The following CDYL variants were observed in gnomAD, a reference collection of about 807,000 sequenced individuals.
CDYL encodes chromodomain Y like, also known as chromodomain Y-like protein.
In CDYL, 8 loss-of-function variants were observed where a neutral mutation model predicts 47.3. The ratio of observed to expected loss-of-function variants is 0.17; its 90% CI spans 0.10 to 0.31. The LOEUF is 0.31. Ranked by LOEUF, CDYL falls within the 10% of genes least tolerant of loss-of-function variation. CDYL has a pLI of 1.00. For missense variants in CDYL, 471 were observed against 701.4 expected (o/e 0.67, Z 3.71); for synonymous variants, 266 against 265.0 (o/e 1.00, Z -0.04).
chr6:4,815,258 CATAA>C (rs1316245859), intron 1 of CDYL, among the ~76,000 whole-genome samples: 1 of 152,102 alleles, frequency 6.6e-6, no homozygotes, highest in African/African-American at 2.4e-5. Flanking sequence ...TCGTGTATCA[CATAA>C]ATAGATTTTT....
rs536342916 is a variant in CDYL, at chr6:4,712,421, G to A, written c.-38-3320G>A. ...GGTAGAAAGGGTGACAGTGGCCAGC[G>A]GAGTGAGAAAGACAGCAGGGGCTGG... On this transcript the variant is annotated intron_variant, in intron 1 of 8. Coordinates refer to the CDYL transcript ENST00000328908. 5.3e-5 allele frequency among the ~76,000 whole-genome samples: 8 copies of A among 152,334 alleles called. No individual in the cohort carries two copies. The East Asian group carries it at 7.7e-4, about 15-fold the overall frequency.
chr6:4,731,345 T>A (rs1328007154), intron 2 of CDYL, among the ~76,000 whole-genome samples: 1 of 152,204 alleles, frequency 6.6e-6, no homozygotes, highest in Non-Finnish European at 1.5e-5. Context: ...TATTAAAGGG[T>A]GCTAGTGTAT....
chr6:4,853,115 A>G (rs1487473435), intron 1 of CDYL, among the ~76,000 whole-genome samples: 4 of 151,148 alleles, frequency 2.6e-5, no homozygotes, highest in African/African-American at 9.7e-5. Context: ...ATCTGCCCAT[A>G]CTCCCTCATT....
At chr6:4,762,946 C>T (rs1489196108) in intron 3 of CDYL, among the ~76,000 whole-genome samples, 1 of 151,928 alleles carries the variant, frequency 6.6e-6, no homozygotes, top group Non-Finnish European at 1.5e-5. Flanking sequence ...CCTAGGAAAC[C>T]CAACCAGGAT....
intron 1 of CDYL, among the ~76,000 whole-genome samples, chr6:4,889,218 A>G (rs1024262479): frequency 1.3e-5 from 2 of 150,856 alleles, no homozygotes; most frequent in African/African-American, 4.9e-5. Context: ...AATGGTTTTC[A>G]TACCTTTTTT....
intron 2 of CDYL, among the ~76,000 whole-genome samples, chr6:4,907,502 G>A (rs763005687): frequency 1.1e-4 from 16 of 152,034 alleles, no homozygotes; most frequent in Admixed American, 7.9e-4. Flanking sequence ...GACTGCAGGC[G>A]TGCACCACCA....
chr6:4,914,666 C>A (rs1757507100), intron 2 of CDYL, among the ~76,000 whole-genome samples: 1 of 152,190 alleles, frequency 6.6e-6, no homozygotes, highest in Non-Finnish European at 1.5e-5. Context: ...GCCTATTCTT[C>A]ATTCTGAGCT....
chr6:4,842,189 T>C (rs1184864058), intron 1 of CDYL, among the ~76,000 whole-genome samples: 1 of 143,536 alleles, frequency 7.0e-6, no homozygotes, highest in African/African-American at 2.6e-5. Context: ...AAATTATTAA[T>C]ATAAATAATA....
At chr6:4,898,702 G>C (rs1196637467) in intron 2 of CDYL, among the ~76,000 whole-genome samples, 39 of 152,168 alleles carry the variant, frequency 2.6e-4, no homozygotes, top group Admixed American at 2.6e-3. Flanking sequence ...AAGGATTCTA[G>C]TGCAGAGTTT....
chr6:4,877,006 C>T (rs916116580), intron 1 of CDYL, among the ~76,000 whole-genome samples: 5 of 152,224 alleles, frequency 3.3e-5, no homozygotes, highest in African/African-American at 4.8e-5. Context: ...CCTTCCACCA[C>T]GTGAGGGCAC....
chr6:4,888,578 A>G (rs1467486907), intron 1 of CDYL, among the ~76,000 whole-genome samples: 1 of 152,270 alleles, frequency 6.6e-6, no homozygotes, highest in Admixed American at 6.5e-5. Context: ...TTTTTTTAAA[A>G]GAAACTTTTG....
chr6:4,719,448 T>C (rs936403992), intron 2 of CDYL, among the ~76,000 whole-genome samples: 2 of 152,266 alleles, frequency 1.3e-5, no homozygotes, highest in East Asian at 1.9e-4. Context: ...CCACTCATCA[T>C]GTGGTACCTC....
chr6:4,936,315 A>G (rs1758191274), intron 3 of CDYL, among the ~76,000 whole-genome samples: 3 of 152,184 alleles, frequency 2.0e-5, no homozygotes. Context: ...CTAGTAAGTA[A>G]GTTTTCCAGA....
intron 4 of CDYL, among the ~76,000 whole-genome samples, chr6:4,940,072 C>T (rs1015074018): frequency 2.6e-5 from 4 of 152,250 alleles, no homozygotes; most frequent in Middle Eastern, 3.4e-3. Flanking sequence ...TCAGTAAAAG[C>T]AGAGGAAAGC....
At chr6:4,789,439 C>T (rs191188030) in intron 1 of CDYL, among the ~76,000 whole-genome samples, 2 of 152,212 alleles carry the variant, frequency 1.3e-5, no homozygotes, top group African/African-American at 2.4e-5. Context: ...GCCCTCCGCA[C>T]CACATCTGTC....
intron 1 of CDYL, among the ~76,000 whole-genome samples, chr6:4,816,502 T>C (rs4960044): frequency 0.048 from 7,015 of 147,360 alleles, 213 homozygotes; most frequent in Non-Finnish European, 0.068. Flanking sequence ...TTCTTTCTTT[T>C]TTTTTTTTTT....
chr6:4,715,321 A>G (rs1757233859), intron 1 of CDYL, among the ~76,000 whole-genome samples: 1 of 152,206 alleles, frequency 6.6e-6, no homozygotes, highest in Non-Finnish European at 1.5e-5. Context: ...CCAGTCTACT[A>G]GAAAAGCTGA....
At chr6:4,872,942 G>T (rs905453679) in intron 1 of CDYL, among the ~76,000 whole-genome samples, 4 of 152,154 alleles carry the variant, frequency 2.6e-5, no homozygotes, top group Admixed American at 2.0e-4. Flanking sequence ...AACATTTTTG[G>T]TTTGTGTTGT....
chr6:4,809,169 TAAAA>T (rs577621388), intron 1 of CDYL, among the ~76,000 whole-genome samples: 169 of 152,110 alleles, frequency 1.1e-3, no homozygotes, highest in African/African-American at 3.7e-3. Context: ...TTATCTTTCT[TAAAA>T]AAAAGAGCAG....
Sources: gnomAD v4.1 joint callset for allele counts (sites outside exome capture counted in the v4.1 genomes callset) on GRCh38, gnomAD v4.1.1 for gene constraint, MANE v1.5 for transcripts, NCBI Gene and HGNC (gene_info 2026-07-23, HGNC 2026-07-21) for gene names.